Variants in FBLN2 observed in about 807,000 individuals in gnomAD.
FBLN2 encodes the protein fibulin 2, also known as fibulin-2.
FBLN2 carries 81 observed loss-of-function variants against 123.7 expected under a neutral mutation model. The observed-to-expected ratio is 0.65, with a 90% CI of 0.55 to 0.79. FBLN2 has a LOEUF of 0.79. Ranked by LOEUF, FBLN2 falls within the 30% of genes least tolerant of loss-of-function variation. The pLI is 0.00. For synonymous variants in FBLN2, 699 were observed against 701.4 expected, an observed-to-expected ratio of 1.00 and a Z score of 0.05; for missense variants, 1,603 against 1,681.3, an observed-to-expected ratio of 0.95 and a Z score of 0.81.
intron 2 of FBLN2, among the ~76,000 whole-genome samples, chr3:13,584,452 T>C (rs1704433752): frequency 6.6e-6 from 1 of 152,040 alleles, no homozygotes; most frequent in Non-Finnish European, 1.5e-5. Flanking sequence ...GTGGGATCAG[T>C]GTCATGGTGA....
rs1354314913 is a variant in FBLN2 at position 13,571,656 on chromosome 3, C to T, written c.1301C>T (p.Pro434Leu). ...NSVHSIPRSS[P>L]EGSTKDLIET... ...GTCCATTCTATCCCCAGAAGTAGCC[C>T]TGAAGGTAAGACCCTGTCCTGGTTC... is the stretch of plus-strand genomic sequence containing the variant. The change falls in exon 2 of 18, where the codon CCT becomes CTT. Residue 434 changes from proline (P) to leucine (L), a missense_variant. Coordinates refer to ENST00000404922, the MANE Select transcript of FBLN2 (RefSeq NM_001004019.2). 1 of 1,591,074 alleles carries T rather than the reference C, an allele frequency of 6.3e-7. No homozygotes were observed. Among genetic ancestry groups the T allele is most frequent in the Non-Finnish European group, 8.6e-7 (1 of 1,168,504 alleles).
intron 2 of FBLN2, among the ~76,000 whole-genome samples, chr3:13,574,619 C>T (rs1449588790): frequency 6.6e-6 from 1 of 152,144 alleles, no homozygotes; most frequent in Non-Finnish European, 1.5e-5. Context: ...GGCTGGAAAC[C>T]CCTTCTCTAG....
intron 2 of FBLN2, among the ~76,000 whole-genome samples, chr3:13,588,474 C>T (rs537415803): frequency 1.3e-5 from 2 of 152,366 alleles, no homozygotes; most frequent in African/African-American, 4.8e-5. Flanking sequence ...AGGGCCCCAG[C>T]CTGGCCCTGT....
chr3:13,618,704 C>G (rs1447905244), intron 6 of FBLN2, among the ~76,000 whole-genome samples, 200 bp from the exon 7 acceptor site: 1 of 152,096 alleles, frequency 6.6e-6, no homozygotes, highest in African/African-American at 2.4e-5. Flanking sequence ...TTCCTTCTAC[C>G]CCCTCTGCCC....
chr3:13,609,692 G>GGGGGGGGGGGGGGGGGGGGGGC, intron 4 of FBLN2, 50 bp downstream of exon 4: 1 of 508,394 alleles, frequency 2.0e-6, no homozygotes, highest in Non-Finnish European at 3.8e-6. Context: ...GGCGGGGCGG[G>GGGGGGGGGGGGGGGGGGGGGGC]AGGCTGGCCT....
chr3:13,637,428 C>G, intron 17 of FBLN2, 134 bp from the exon 18 acceptor site: 1 of 776,810 alleles, frequency 1.3e-6, no homozygotes, highest in South Asian at 1.9e-5. Context: ...CGTAAGGGGA[C>G]TTGCCTGAGG....
chr3:13,585,159 C>A (rs1223061395), intron 2 of FBLN2, among the ~76,000 whole-genome samples: 1 of 152,162 alleles, frequency 6.6e-6, no homozygotes, highest in Admixed American at 6.5e-5. Context: ...CATGGCTGGG[C>A]TTTGAGTGGA....
chr3:13,594,260 G>T, intron 2 of FBLN2, among the ~76,000 whole-genome samples: 1 of 152,222 alleles, frequency 6.6e-6, no homozygotes, highest in South Asian at 2.1e-4. Context: ...GAGTTCCGTC[G>T]CTCAGAGACC....
chr3:13,580,177 A>G (rs1316244232), intron 2 of FBLN2, among the ~76,000 whole-genome samples: 1 of 152,160 alleles, frequency 6.6e-6, no homozygotes, highest in Admixed American at 6.5e-5. Flanking sequence ...TTTCTCTGCC[A>G]GGCTTCTGGT....
intron 1 of FBLN2, among the ~76,000 whole-genome samples, chr3:13,563,059 G>A (rs895786972): frequency 2.6e-5 from 4 of 152,198 alleles, no homozygotes; most frequent in African/African-American, 9.7e-5. Context: ...TGTGACTCGA[G>A]TCTATCATGA....
At chr3:13,628,765 T>C (rs1706137917) in intron 11 of FBLN2, 140 bp from the exon 12 acceptor site, 2 of 967,542 alleles carry the variant, frequency 2.1e-6, no homozygotes, top group African/African-American at 3.3e-5. Flanking sequence ...GGCACAGGGG[T>C]AGGACAGTCT....
At chr3:13,559,100 C>T (rs1703541159) in intron 1 of FBLN2, among the ~76,000 whole-genome samples, 1 of 152,004 alleles carries the variant, frequency 6.6e-6, no homozygotes. Flanking sequence ...TTTTCTTTAT[C>T]CTTGGGCCAC....
chr3:13,620,804 G>A (rs532607705), intron 8 of FBLN2, among the ~76,000 whole-genome samples: 2 of 152,350 alleles, frequency 1.3e-5, no homozygotes, highest in East Asian at 1.9e-4. Context: ...CCTCCCAGAA[G>A]CTGAAAGCCC....
chr3:13,616,554 T>C (rs577255055), intron 5 of FBLN2, among the ~76,000 whole-genome samples: 7 of 152,274 alleles, frequency 4.6e-5, no homozygotes, highest in South Asian at 2.1e-4. Flanking sequence ...CTGGGACTGA[T>C]TGGGCTGCAG....
intron 1 of FBLN2, among the ~76,000 whole-genome samples, chr3:13,562,445 C>T (rs1703638699): frequency 6.6e-6 from 1 of 151,742 alleles, no homozygotes; most frequent in African/African-American, 2.4e-5. Flanking sequence ...CAACCTCCAC[C>T]TCCTGGGTTC....
chr3:13,629,439 A>C, intron 13 of FBLN2, 147 bp downstream of exon 13: 1 of 1,147,310 alleles, frequency 8.7e-7, no homozygotes, highest in Admixed American at 2.7e-5. Context: ...AGCTGGCCTC[A>C]TCCTCCTGCT....
chr3:13,551,773 C>T (rs1458385867), intron 1 of FBLN2, among the ~76,000 whole-genome samples: 2 of 152,030 alleles, frequency 1.3e-5, no homozygotes, highest in Non-Finnish European at 2.9e-5. Flanking sequence ...ATCTCTTGAC[C>T]TCGTGATCCG....
chr3:13,565,841 A>G (rs1703731593), intron 1 of FBLN2, among the ~76,000 whole-genome samples: 1 of 152,208 alleles, frequency 6.6e-6, no homozygotes, highest in Admixed American at 6.5e-5. Flanking sequence ...GGGCGTCAGA[A>G]GCACAGGGTC....
intron 1 of FBLN2, among the ~76,000 whole-genome samples, chr3:13,561,679 GTC>G (rs1214367819): frequency 2.0e-5 from 3 of 152,210 alleles, no homozygotes; most frequent in Non-Finnish European, 4.4e-5. Context: ...CATGCGGTCT[GTC>G]TCTGTCACAA....
Sources: gnomAD v4.1 joint callset for allele counts (sites outside exome capture counted in the v4.1 genomes callset) on GRCh38, gnomAD v4.1.1 for gene constraint, MANE v1.5 for transcripts, NCBI Gene and HGNC (gene_info 2026-07-23, HGNC 2026-07-21) for gene names.